DCN: variants seen among roughly 807,000 people sequenced by gnomAD.
DCN encodes decorin.
In DCN, 17 loss-of-function variants were observed where a neutral mutation model predicts 36.5. The ratio of observed to expected loss-of-function variants is 0.47; its 90% confidence interval spans 0.32 to 0.70. The LOEUF (loss-of-function observed/expected upper bound fraction) is 0.70. Among genes scored for constraint, DCN ranks in the 30% least tolerant of loss-of-function variants. The pLI, the probability that DCN is intolerant of heterozygous loss-of-function variation, is 0.04. For missense variants in DCN, 389 were observed against 430.1 expected (o/e 0.90, Z 0.84); for synonymous variants, 163 against 161.4 (o/e 1.01, Z -0.07).
intron 2 of DCN, among the ~76,000 whole-genome samples, chr12:91,171,302 T>G (rs1477474366): frequency 6.6e-6 from 1 of 152,240 alleles, no homozygotes; most frequent in African/African-American, 2.4e-5. Flanking sequence ...GTGGGCTTTC[T>G]CTACATAATA....
At chr12:91,154,045 G>A (rs563551157) in intron 5 of DCN, among the ~76,000 whole-genome samples, 1 of 152,156 alleles carries the variant, frequency 6.6e-6, no homozygotes, top group Admixed American at 6.5e-5. Flanking sequence ...ATAGCAAATT[G>A]GTTAAGTGTA....
intron 2 of DCN, among the ~76,000 whole-genome samples, chr12:91,174,558 G>A (rs1438147714): frequency 6.6e-6 from 1 of 152,028 alleles, no homozygotes; most frequent in African/African-American, 2.4e-5. Context: ...AATGGTAAGT[G>A]AAATGTAAGT....
chr12:91,182,510 T>A (rs1868443763), intron 1 of DCN, 145 bp downstream of exon 1: 1 of 152,106 alleles, frequency 6.6e-6, no homozygotes, highest in Non-Finnish European at 1.5e-5. Flanking sequence ...ATAATACTTG[T>A]TTAAAATGTT....
chr12:91,178,628 A>G, intron 1 of DCN, 43 bp from the exon 2 acceptor site: 5 of 1,215,284 alleles, frequency 4.1e-6, no homozygotes, highest in Non-Finnish European at 6.1e-6. Flanking sequence ...GCACTGCCTA[A>G]TCTGTGTGTC....
At chr12:91,181,377 C>T (rs11106030) in intron 1 of DCN, among the ~76,000 whole-genome samples, 2 of 151,876 alleles carry the variant, frequency 1.3e-5, no homozygotes, top group African/African-American at 2.4e-5. Flanking sequence ...TAATTCCTTT[C>T]GTCATTTCCT....
Position 91,146,627 on chromosome 12 carries a change from T to G in DCN, c.886-375A>C, listed in dbSNP as rs1468154914. On this transcript the variant is annotated intron_variant, in intron 7 of 7. Transcript: ENST00000052754. ...CCTCAGCCTCCTGAAGTGCTTGGAT[T>G]ACAGGCGTAAGCCACCACGACAGGC... Among the ~76,000 whole-genome samples the G allele has an allele frequency of 2.6e-5, 4 of 152,302 alleles. No homozygotes were observed. The South Asian group carries it at 6.2e-4, about 24-fold the overall frequency.
At chr12:91,160,830 T>C (rs753798997) in intron 3 of DCN, among the ~76,000 whole-genome samples, 3 of 152,276 alleles carry the variant, frequency 2.0e-5, no homozygotes, top group Non-Finnish European at 4.4e-5. Flanking sequence ...AATGTTGTCA[T>C]TACCACACTT....
At chr12:91,158,235 G>T in intron 4 of DCN, 61 bp downstream of exon 4, 1 of 1,072,202 alleles carries the variant, frequency 9.3e-7, no homozygotes, top group Non-Finnish European at 1.5e-6. Flanking sequence ...TTAAAACCCA[G>T]TTGAAATCTC....
At chr12:91,169,263 C>A (rs1882778293) in intron 2 of DCN, among the ~76,000 whole-genome samples, 1 of 150,364 alleles carries the variant, frequency 6.7e-6, no homozygotes, top group Non-Finnish European at 1.5e-5. Flanking sequence ...GTGGCACAAG[C>A]CTGTAGTCCC....
At chr12:91,146,693 G>T (rs899849330) in intron 7 of DCN, among the ~76,000 whole-genome samples, 2 of 152,042 alleles carry the variant, frequency 1.3e-5, no homozygotes, top group African/African-American at 4.8e-5. Context: ...TTAAACTTTT[G>T]ATTTCTCCCT....
chr12:91,151,856 G>A (rs1881452880), intron 6 of DCN, 64 bp from the exon 7 acceptor site: 1 of 1,592,370 alleles, frequency 6.3e-7, no homozygotes, highest in Non-Finnish European at 8.6e-7. Flanking sequence ...CAAGCATTGT[G>A]TAGTTAATCA....
rs561981389 is a variant in DCN, at chr12:91,142,089, G to A, written c.*3969C>T. 2 of 152,290 alleles carry A rather than the reference G, an allele frequency of 1.3e-5. No individual in the cohort carries two copies. Among genetic ancestry groups the A allele is most frequent in the South Asian group, 4.1e-4 (2 of 4,830 alleles). 9.4% of individuals were successfully genotyped at this position (152,290 alleles called of 1,614,324 possible). On this transcript the variant is annotated 3_prime_UTR_variant, in exon 8 of 8. Transcript: ENST00000052754. ...ACAGTCTGTCACAGACCTGTGATTT[G>A]AAATAATTGTGACAGATGGTGTGCT...
chr12:91,165,727 A>G (rs1000555500), intron 2 of DCN, among the ~76,000 whole-genome samples: 8 of 152,164 alleles, frequency 5.3e-5, no homozygotes, highest in Admixed American at 3.9e-4. Context: ...AACACAAATC[A>G]GAAATATTTT....
At chr12:91,161,360 A>G (rs757996791) in intron 3 of DCN, among the ~76,000 whole-genome samples, 1 of 152,262 alleles carries the variant, frequency 6.6e-6, no homozygotes, top group Non-Finnish European at 1.5e-5. Flanking sequence ...CAGGAAGTTG[A>G]GATGACAGTA....
intron 2 of DCN, among the ~76,000 whole-genome samples, chr12:91,165,144 A>G (rs1882470461): frequency 6.6e-6 from 1 of 152,216 alleles, no homozygotes; most frequent in South Asian, 2.1e-4. Flanking sequence ...ATCATCAGTA[A>G]TAAAGATCTT....
Position 91,145,718 on chromosome 12 carries a change from ACT to A in DCN, c.*338_*339del, listed in dbSNP as rs1880967979. On this transcript the variant is annotated 3_prime_UTR_variant, in exon 8 of 8. Coordinates refer to ENST00000052754, the MANE Select transcript of DCN (RefSeq NM_001920.5). ...GCTCAATGAATTACAGAAGACTCAT[ACT>A]CTTTTTATTTTTTCCTGGAAATTAA... 1 of 407,002 alleles carries A rather than the reference ACT, an allele frequency of 2.5e-6. No homozygotes were observed. The highest frequency in any genetic ancestry group is 2.1e-5 in the African/African-American group (1 of 47,688). 25.2% of individuals were successfully genotyped at this position (407,002 alleles called of 1,614,324 possible).
At chr12:91,167,760 G>A (rs1416590448) in intron 2 of DCN, among the ~76,000 whole-genome samples, 1 of 152,118 alleles carries the variant, frequency 6.6e-6, no homozygotes, top group Admixed American at 6.6e-5. Context: ...CTTATCTAAG[G>A]TGCCTCATGG....
intron 5 of DCN, among the ~76,000 whole-genome samples, chr12:91,156,175 T>A (rs1463626754): frequency 3.3e-5 from 5 of 152,156 alleles, no homozygotes; most frequent in Non-Finnish European, 7.3e-5. Flanking sequence ...CTCCTGGGAA[T>A]CCCTTGGAAC....
At chr12:91,156,012 T>A (rs1222964830) in intron 5 of DCN, among the ~76,000 whole-genome samples, 1 of 152,060 alleles carries the variant, frequency 6.6e-6, no homozygotes, top group African/African-American at 2.4e-5. Context: ...GGCATCTAAG[T>A]TGAGAAAGGG....
Sources: gnomAD v4.1 joint callset for allele counts (sites outside exome capture counted in the v4.1 genomes callset) on GRCh38, gnomAD v4.1.1 for gene constraint, MANE v1.5 for transcripts, NCBI Gene and HGNC (gene_info 2026-07-23, HGNC 2026-07-21) for gene names.